The following CDC26 variants were observed in gnomAD, a reference collection of about 807,000 sequenced individuals.
CDC26 encodes the protein cell division cycle 26.
In CDC26, 2 loss-of-function variants were observed where a neutral mutation model predicts 8.0. The observed-to-expected ratio is 0.25, with a 90% CI of 0.10 to 0.79. The LOEUF is 0.79. Ranked by LOEUF, CDC26 falls within the 30% of genes least tolerant of loss-of-function variation. CDC26 has a pLI of 0.70. For synonymous variants in CDC26, 19 were observed against 34.9 expected (o/e 0.55, Z 1.60); for missense variants, 68 against 106.0 (o/e 0.64, Z 1.57).
At chr9:113,275,194 G>C (rs1832042063) in intron 1 of CDC26, 188 bp downstream of exon 1, 1 of 152,370 alleles carries the variant, frequency 6.6e-6, no homozygotes, top group South Asian at 2.0e-4. Flanking sequence ...GACCATGGAG[G>C]AGAACAGTCC....
intron 3 of CDC26, among the ~76,000 whole-genome samples, chr9:113,270,167 A>G (rs1282455996): frequency 6.6e-6 from 1 of 152,192 alleles, no homozygotes; most frequent in Non-Finnish European, 1.5e-5. Context: ...GCAAAGAAAA[A>G]GAAAGGGCTT....
At chr9:113,271,693 G>A (rs1209660073) in intron 3 of CDC26, among the ~76,000 whole-genome samples, 1 of 152,220 alleles carries the variant, frequency 6.6e-6, no homozygotes, top group Non-Finnish European at 1.5e-5. Flanking sequence ...AAGCGATGAA[G>A]TTTGTGGTAC....
At chr9:113,274,295 T>C (rs1832016772) in intron 1 of CDC26, among the ~76,000 whole-genome samples, 1 of 152,174 alleles carries the variant, frequency 6.6e-6, no homozygotes, top group Non-Finnish European at 1.5e-5. Flanking sequence ...TACAAATTAT[T>C]ACACGTATCT....
In CDC26 at chr9:113,267,309, G is replaced by A. The variant is rs777881715; in HGVS notation, c.212C>T (p.Pro71Leu). 1 of 1,576,162 alleles carries A rather than the reference G, an allele frequency of 6.3e-7. No homozygotes were observed. Among genetic ancestry groups the A allele is most frequent in the East Asian group, 2.2e-5 (1 of 44,454 alleles). The part of the protein sequence containing the change: ...INDRIGYKPQ[P>L]KPNNRSSQFG... Reference sequence around the variant, plus strand: ...TTGAGATGAACGATTATTGGGCTTGGGTTGGGGTTTATAACCAATCCGATC... The same window carrying A: ...TTGAGATGAACGATTATTGGGCTTGAGTTGGGGTTTATAACCAATCCGATC... Residue 71 changes from proline (P) to leucine (L), a missense_variant, in exon 4 of 4, where the codon CCC becomes CTC. Physicochemically the swap from Pro to Leu is moderately conservative, Grantham distance 98 (BLOSUM62 -3). Transcript: ENST00000374206.
intron 3 of CDC26, among the ~76,000 whole-genome samples, chr9:113,268,416 A>G (rs1564229086): frequency 6.6e-6 from 1 of 152,230 alleles, no homozygotes; most frequent in Non-Finnish European, 1.5e-5. Context: ...TCCAGAAAGT[A>G]TGTCTTAGTT....
At chr9:113,274,052 A>T (rs1246379617) in intron 1 of CDC26, among the ~76,000 whole-genome samples, 1 of 152,168 alleles carries the variant, frequency 6.6e-6, no homozygotes, top group African/African-American at 2.4e-5. Flanking sequence ...AGAAGGTGAG[A>T]TCATTCTTGA....
At chr9:113,271,384 G>C (rs753754608) in intron 3 of CDC26, among the ~76,000 whole-genome samples, 2 of 152,154 alleles carry the variant, frequency 1.3e-5, no homozygotes, top group Non-Finnish European at 2.9e-5. Context: ...TCTTGAGAAG[G>C]GGGGATTATC....
chr9:113,274,145 T>A (rs1832012666), intron 1 of CDC26, among the ~76,000 whole-genome samples: 1 of 152,222 alleles, frequency 6.6e-6, no homozygotes, highest in Admixed American at 6.5e-5. Context: ...ATGATTCCTA[T>A]TTCACACATA....
At chr9:113,268,054 A>ATCAC in intron 3 of CDC26, among the ~76,000 whole-genome samples, 1 of 152,090 alleles carries the variant, frequency 6.6e-6, no homozygotes, top group Non-Finnish European at 1.5e-5. Flanking sequence ...AGGCAAACAG[A>ATCAC]CGATTATAGG....
intron 3 of CDC26, among the ~76,000 whole-genome samples, chr9:113,267,982 T>A (rs1423109512): frequency 2.6e-5 from 4 of 152,130 alleles, no homozygotes; most frequent in Non-Finnish European, 4.4e-5. Context: ...CGAGACTCTG[T>A]CTTAAAAAAA....
At chr9:113,267,558 A>G in intron 3 of CDC26, 119 bp from the exon 4 acceptor site, 7 of 1,285,574 alleles carry the variant, frequency 5.4e-6, no homozygotes, top group Non-Finnish European at 7.5e-6. Flanking sequence ...GTAAAGAACA[A>G]TAAACTGAAA....
At chr9:113,269,360 C>T (rs12337498) in intron 3 of CDC26, among the ~76,000 whole-genome samples, 36,687 of 152,136 alleles carry the variant, frequency 0.24, 4,814 homozygotes, top group African/African-American at 0.32. Flanking sequence ...ACCTAAATAC[C>T]TTTGTGAAAA....
At chr9:113,267,580 G>T in intron 3 of CDC26, 141 bp from the exon 4 acceptor site, 1 of 1,105,900 alleles carries the variant, frequency 9.0e-7, no homozygotes, top group Non-Finnish European at 1.3e-6. Flanking sequence ...CCTAGGTTTG[G>T]AGTACTTAGG....
In CDC26 at chr9:113,267,445, A is replaced by G. The variant is rs201582810; in HGVS notation, c.82-6T>C. 1 of 1,595,994 alleles carries G rather than the reference A, an allele frequency of 6.3e-7. No homozygotes were observed. Among genetic ancestry groups the G allele is most frequent in the Non-Finnish European group, 8.5e-7 (1 of 1,173,380 alleles). ...TCCTTCTGTTTCTTACGGGTCTGAA[A>G]GTATAAAAGTTTTAGGATTAAGGCA... On this transcript the variant is annotated splice_region_variant and splice_polypyrimidine_tract_variant and intron_variant, in intron 3 of 3. Coordinates refer to ENST00000374206, the MANE Select transcript of CDC26 (RefSeq NM_139286.4).
Position 113,275,462 on chromosome 9 carries a change from C to G in CDC26, c.-232G>C. On this transcript the variant is annotated 5_prime_UTR_variant, in exon 1 of 4. Transcript: ENST00000374206. The stretch of plus-strand genomic sequence containing the variant: ...CTACTGCTAAGCCAACTGGACTACA[C>G]TTCCCAGACTGCTTGGAGCCTCTCT... 1 of 449,016 alleles carries G rather than the reference C, an allele frequency of 2.2e-6. No individual in the cohort carries two copies. The highest frequency in any genetic ancestry group is 4.0e-6 in the Non-Finnish European group (1 of 248,838). The allele number at this position is 449,016 out of a possible 1,614,324, so 27.8% of individuals were successfully genotyped here.
At position 113,270,184 on chromosome 9, in the gene CDC26, C is replaced by A. The variant is rs150196890; in HGVS notation, c.81+2243G>T. ...AAAGAAAAAGAAAGGGCTTTTCTGG[C>A]AAAGGGAACACTGTGTATAGGCACT... On this transcript the variant is annotated intron_variant, in intron 3 of 3. Transcript: ENST00000374206. Among the ~76,000 whole-genome samples, 785 of 152,228 alleles carry A rather than the reference C, an allele frequency of 5.2e-3. 8 individuals carry two copies. Among genetic ancestry groups the A allele is most frequent in the African/African-American group, 0.018 (740 of 41,536 alleles).
chr9:113,274,025 G>A (rs1167273047), intron 1 of CDC26, among the ~76,000 whole-genome samples: 1 of 152,128 alleles, frequency 6.6e-6, no homozygotes, highest in African/African-American at 2.4e-5. Context: ...AAAACAGTCA[G>A]TAAATGTTTG....
In CDC26 at chr9:113,267,148, CTCTGCAGGAGGTACAT is replaced by C. The variant is rs1831874494; in HGVS notation, c.*99_*114del. 7.4e-6 allele frequency: 4 copies of C among 539,224 alleles called. No individual in the cohort carries two copies. In the South Asian group the frequency reaches 1.1e-4, roughly 15 times the overall value. 33.4% of individuals were successfully genotyped at this position (539,224 alleles called of 1,614,324 possible). ...CAGTAATCTCATGCAGAAGATTTGT[CTCTGCAGGAGGTACAT>C]TCTGCTTGACTGCAAGCACTCAATT... On this transcript the variant is annotated 3_prime_UTR_variant, in exon 4 of 4. Transcript: ENST00000374206.
rs1405108167 is a variant in CDC26, at chr9:113,272,443, A to G, written c.65T>C (p.Ile22Thr). The change falls in exon 3 of 4, where the codon ATT (isoleucine) becomes ACT (threonine). Residue 22 changes from isoleucine (I) to threonine (T), a missense_variant. Coordinates refer to ENST00000374206, the MANE Select transcript of CDC26 (RefSeq NM_139286.4). ...TATTCATACCTCCAGGTCCTTTCGAATGTTCTCAAACTCTTCAATGTCATC... is the reference window on the plus strand; with the variant it reads ...TATTCATACCTCCAGGTCCTTTCGAGTGTTCTCAAACTCTTCAATGTCATC... ...KLDDIEEFEN[I>T]RKDLETRKKQ... The G allele has an allele frequency of 1.9e-6, 3 of 1,611,662 alleles. No homozygotes were observed. The highest frequency in any genetic ancestry group is 2.7e-5 in the African/African-American group (2 of 74,854).
Sources: gnomAD v4.1 joint callset for allele counts (sites outside exome capture counted in the v4.1 genomes callset) on GRCh38, gnomAD v4.1.1 for gene constraint, MANE v1.5 for transcripts, NCBI Gene and HGNC (gene_info 2026-07-23, HGNC 2026-07-21) for gene names.